Variants in STK32A observed in about 807,000 individuals in gnomAD.
The protein encoded by STK32A is serine/threonine kinase 32A, also known as serine/threonine-protein kinase 32A.
A neutral mutation model predicts 53.2 loss-of-function variants in STK32A; 41 were observed. The observed-to-expected ratio is 0.77, with a 90% CI of 0.60 to 1.00. The LOEUF is 1.00. STK32A is among the 50% of genes least tolerant of loss of function. The pLI is 0.00. For synonymous variants in STK32A, 166 were observed against 162.8 expected, an observed-to-expected ratio of 1.02 and a Z score of -0.15; for missense variants, 458 against 485.8, an observed-to-expected ratio of 0.94 and a Z score of 0.54.
At chr5:147,256,374 C>A (rs907924868) in intron 2 of STK32A, among the ~76,000 whole-genome samples, 14 of 152,180 alleles carry the variant, frequency 9.2e-5, no homozygotes, top group Non-Finnish European at 1.6e-4. Flanking sequence ...TACCATGCAG[C>A]CCATGCCTGG....
chr5:147,329,632 T>G (rs1401725501), intron 5 of STK32A, among the ~76,000 whole-genome samples: 2 of 151,524 alleles, frequency 1.3e-5, no homozygotes, highest in Non-Finnish European at 2.9e-5. Flanking sequence ...TGTGCCTGCA[T>G]GCACGTGCAC....
At chr5:147,256,281 G>A (rs758731180) in intron 2 of STK32A, among the ~76,000 whole-genome samples, 56 of 152,328 alleles carry the variant, frequency 3.7e-4, no homozygotes, top group African/African-American at 9.6e-4. Context: ...GGGCTGACCT[G>A]CAGGGTACCA....
At position 147,373,143 on chromosome 5, in the gene STK32A, C is replaced by T. The variant is rs550838448; in HGVS notation, c.778-26C>T. On this transcript the variant is annotated intron_variant, in intron 9 of 12. Transcript: ENST00000397936. ...TTTGTCCTTCTATCCTTTCTTATGGCCTTGATGTTTGCATTTTATTGGCAG... is the reference window on the plus strand; with the variant it reads ...TTTGTCCTTCTATCCTTTCTTATGGTCTTGATGTTTGCATTTTATTGGCAG... 7 of 1,612,076 alleles carry T rather than the reference C, an allele frequency of 4.3e-6. No individual in the cohort carries two copies. The African/African-American group carries it at 8.0e-5, about 18-fold the overall frequency.
intron 11 of STK32A, among the ~76,000 whole-genome samples, chr5:147,377,544 G>A (rs940049302): frequency 6.6e-6 from 1 of 151,964 alleles, no homozygotes; most frequent in African/African-American, 2.4e-5. Context: ...TGGTAACTCT[G>A]GAAATCAGGT....
At chr5:147,326,013 G>T (rs775109560) in intron 5 of STK32A, among the ~76,000 whole-genome samples, 3 of 151,954 alleles carry the variant, frequency 2.0e-5, no homozygotes, top group Non-Finnish European at 2.9e-5. Flanking sequence ...CTTTCTTTAG[G>T]CTTCATGTTC....
chr5:147,352,373 G>C (rs1377342609), intron 7 of STK32A, among the ~76,000 whole-genome samples: 5 of 152,300 alleles, frequency 3.3e-5, no homozygotes, highest in Non-Finnish European at 7.4e-5. Flanking sequence ...GAGAGTGTTA[G>C]ATGCAAAATT....
intron 2 of STK32A, among the ~76,000 whole-genome samples, chr5:147,258,098 T>A (rs1346570287): frequency 3.3e-5 from 5 of 151,550 alleles, no homozygotes; most frequent in Admixed American, 6.6e-5. Flanking sequence ...TTTGTAGACA[T>A]ATTTATCCAA....
intron 2 of STK32A, among the ~76,000 whole-genome samples, chr5:147,268,889 A>G (rs1754917320): frequency 6.6e-6 from 1 of 152,200 alleles, no homozygotes; most frequent in African/African-American, 2.4e-5. Context: ...GAAGAGGAGA[A>G]GCAGAAATAT....
At chr5:147,399,480 CCT>C in the STK32A span, among the ~76,000 whole-genome samples, 1 of 141,828 alleles carries the variant, frequency 7.1e-6, no homozygotes, top group African/African-American at 2.5e-5. Context: ...AGTTACTGCC[CCT>C]GAAGTATGCA....
intron 2 of STK32A, among the ~76,000 whole-genome samples, chr5:147,277,613 G>A (rs867413596): frequency 5.3e-5 from 8 of 152,176 alleles, no homozygotes; most frequent in African/African-American, 1.9e-4. Flanking sequence ...GTTGTAGTAA[G>A]AAAATAGGCA....
chr5:147,382,724 C>G (rs890539863), intron 11 of STK32A, among the ~76,000 whole-genome samples: 7 of 152,246 alleles, frequency 4.6e-5, no homozygotes, highest in African/African-American at 1.7e-4. Flanking sequence ...TGTGCAGTCA[C>G]TTTCTAATTT....
chr5:147,289,513 G>T (rs1192421302), intron 4 of STK32A, among the ~76,000 whole-genome samples: 8 of 151,578 alleles, frequency 5.3e-5, no homozygotes, highest in Admixed American at 5.3e-4. Flanking sequence ...AGTGAGTTAA[G>T]ATTAAAAAGT....
At chr5:147,265,827 T>C (rs1372324831) in intron 2 of STK32A, among the ~76,000 whole-genome samples, 1 of 152,180 alleles carries the variant, frequency 6.6e-6, no homozygotes, top group Non-Finnish European at 1.5e-5. Flanking sequence ...TCTTTGTAAC[T>C]GACTGTATTT....
chr5:147,394,684 A>C, the STK32A span, among the ~76,000 whole-genome samples: 1 of 92,160 alleles, frequency 1.1e-5, no homozygotes, highest in Non-Finnish European at 2.5e-5. Flanking sequence ...AACAACAACA[A>C]AAAAAAAAAG....
At position 147,329,601 on chromosome 5, in the gene STK32A, G is replaced by T. The variant is rs72831378; in HGVS notation, c.434+5530G>T. ...CCATAAAGAATGAAAGCTGTTATGT[G>T]CATATCCTGAGCGATGCATGTGTGC... On this transcript the variant is annotated intron_variant, in intron 5 of 12. Coordinates refer to ENST00000397936, the MANE Select transcript of STK32A (RefSeq NM_001112724.2). Among the ~76,000 whole-genome samples the T allele has an allele frequency of 5.2e-3, 794 of 152,340 alleles. 3 individuals are homozygous for T. The highest frequency in any genetic ancestry group is 7.4e-3 in the Non-Finnish European group (505 of 68,026).
the STK32A span, chr5:147,399,356 A>G: frequency 2.3e-6 from 3 of 1,324,006 alleles, no homozygotes; most frequent in Non-Finnish European, 3.0e-6. Flanking sequence ...TAGAAATACA[A>G]AAAGGAGCCA....
At chr5:147,293,330 T>C (rs772727920) in intron 4 of STK32A, among the ~76,000 whole-genome samples, 3 of 152,104 alleles carry the variant, frequency 2.0e-5, no homozygotes, top group Non-Finnish European at 4.4e-5. Context: ...ATTAATCATA[T>C]TAATACATTT....
At chr5:147,375,256 C>T in intron 11 of STK32A, 38 bp downstream of exon 11, 1 of 1,595,738 alleles carries the variant, frequency 6.3e-7, no homozygotes, top group Non-Finnish European at 8.5e-7. Context: ...TCATGGGTAT[C>T]CCCATGATGG....
intron 2 of STK32A, among the ~76,000 whole-genome samples, chr5:147,269,520 T>A (rs1157609894): frequency 1.3e-5 from 2 of 152,218 alleles, no homozygotes; most frequent in Admixed American, 1.3e-4. Context: ...CCATGTCGAA[T>A]TGACTTTGCC....
Sources: gnomAD v4.1 joint callset for allele counts (sites outside exome capture counted in the v4.1 genomes callset) on GRCh38, gnomAD v4.1.1 for gene constraint, MANE v1.5 for transcripts, NCBI Gene and HGNC (gene_info 2026-07-23, HGNC 2026-07-21) for gene names.